Variants in SH3RF3 observed in about 807,000 individuals in gnomAD.
The protein encoded by SH3RF3 is E3 ubiquitin-protein ligase SH3RF3.
Under a neutral mutation model 66.3 loss-of-function variants are expected in SH3RF3, and 29 were observed. The observed-to-expected ratio is 0.44, with a 90% confidence interval of 0.33 to 0.60. The LOEUF (loss-of-function observed/expected upper bound fraction) is 0.60, where lower values mean the gene tolerates loss of function less well. Among genes scored for constraint, SH3RF3 ranks in the 20% least tolerant of loss-of-function variants. The pLI is 0.04. For missense variants in SH3RF3, 1,194 were observed against 1,190.9 expected, an observed-to-expected ratio of 1.00 and a Z score of -0.04; for synonymous variants, 583 against 532.0, an observed-to-expected ratio of 1.10 and a Z score of -1.32.
chr2:109,347,806 C>T lies in SH3RF3; in HGVS notation c.706C>T (p.Leu236=), dbSNP rs756593736. The T allele has an allele frequency of 1.5e-5, 25 of 1,613,880 alleles. No individual in the cohort carries two copies. The South Asian group carries it at 2.6e-4, about 17-fold the overall frequency. Residue 236 remains leucine (L), a synonymous_variant, in exon 2 of 10, where the codon CTG becomes TTG. Coordinates refer to ENST00000309415, the MANE Select transcript of SH3RF3 (RefSeq NM_001099289.3). The part of the protein sequence containing the change: ...KVDEQWYHGE[L]HGTQGFLPAS... ...GGATGAACAGTGGTACCACGGCGAGCTGCACGGCACACAGGGCTTCCTCCC... is the reference window on the plus strand; with the variant it reads ...GGATGAACAGTGGTACCACGGCGAGTTGCACGGCACACAGGGCTTCCTCCC...
chr2:109,266,233 C>T (rs1680489593), intron 1 of SH3RF3, among the ~76,000 whole-genome samples: 1 of 146,100 alleles, frequency 6.8e-6, no homozygotes, highest in African/African-American at 2.6e-5. Flanking sequence ...TATGTGTATT[C>T]AGTGTGTTGT....
chr2:109,291,196 T>C (rs1172037483), intron 1 of SH3RF3, among the ~76,000 whole-genome samples: 1 of 152,142 alleles, frequency 6.6e-6, no homozygotes, highest in Non-Finnish European at 1.5e-5. Context: ...CATGATTCCT[T>C]TGAAAATGCT....
At chr2:109,393,808 A>T (rs140518000) in intron 3 of SH3RF3, among the ~76,000 whole-genome samples, 1,573 of 151,856 alleles carry the variant, frequency 0.01, 16 homozygotes, top group Non-Finnish European at 0.014. Context: ...GGCACCTCCC[A>T]CACCACTGCT....
At chr2:109,156,222 G>A (rs1677341902) in intron 1 of SH3RF3, among the ~76,000 whole-genome samples, 1 of 152,230 alleles carries the variant, frequency 6.6e-6, no homozygotes, top group Non-Finnish European at 1.5e-5. Flanking sequence ...GTTGTGGGTT[G>A]AGGGGGCTGG....
chr2:109,301,353 T>TG (rs1491114545), intron 1 of SH3RF3, among the ~76,000 whole-genome samples: 22 of 72,872 alleles, frequency 3.0e-4, no homozygotes, highest in Non-Finnish European at 1.2e-4. Flanking sequence ...TGTGTGTGTG[T>TG]TTGTGTATGT....
At chr2:109,233,123 T>G (rs1013368945) in intron 1 of SH3RF3, among the ~76,000 whole-genome samples, 3 of 152,184 alleles carry the variant, frequency 2.0e-5, no homozygotes, top group Non-Finnish European at 4.4e-5. Context: ...TAATGCTCCT[T>G]TAGCAGTTGC....
At chr2:109,281,282 G>T (rs1005271198) in intron 1 of SH3RF3, among the ~76,000 whole-genome samples, 1 of 152,216 alleles carries the variant, frequency 6.6e-6, no homozygotes, top group African/African-American at 2.4e-5. Flanking sequence ...GGTTTTGTTG[G>T]GGTGGAGCAC....
At chr2:109,213,224 G>A (rs780935742) in intron 1 of SH3RF3, among the ~76,000 whole-genome samples, 1 of 152,094 alleles carries the variant, frequency 6.6e-6, no homozygotes, top group African/African-American at 2.4e-5. Context: ...GTGGTCCCAG[G>A]GCTGCTTCTG....
intron 1 of SH3RF3, among the ~76,000 whole-genome samples, chr2:109,297,839 C>T (rs892858228): frequency 2.0e-5 from 3 of 152,154 alleles, no homozygotes; most frequent in Non-Finnish European, 4.4e-5. Context: ...GACAGTGCCC[C>T]CGACCTGGGC....
At position 109,130,052 on chromosome 2, in the gene SH3RF3, C is replaced by T; in HGVS notation, c.512C>T (p.Ala171Val). ...PGSPVFLSAAAGSTAGSLREL... is the reference protein window; with the variant it reads ...PGSPVFLSAAVGSTAGSLREL... The stretch of plus-strand genomic sequence containing the variant: ...TCCCCGGTTTTCCTCTCCGCGGCCG[C>T]GGGCAGCACCGCCGGCAGTCTGCGG... Residue 171 changes from alanine (A) to valine (V), a missense_variant, in exon 1 of 10, where the codon GCG becomes GTG. By Grantham distance (64) the Ala-to-Val change is moderately conservative. Coordinates refer to ENST00000309415, the MANE Select transcript of SH3RF3 (RefSeq NM_001099289.3). 7.3e-7 allele frequency: 1 copy of T among 1,363,024 alleles called. No homozygotes were observed. The allele number at this position is 1,363,024 out of a possible 1,614,324, so 84.4% of individuals were successfully genotyped here.
chr2:109,195,597 T>A (rs1246029723), intron 1 of SH3RF3, among the ~76,000 whole-genome samples: 1 of 152,244 alleles, frequency 6.6e-6, no homozygotes, highest in African/African-American at 2.4e-5. Context: ...GCTGGAGCTA[T>A]TTTTGCATCG....
At chr2:109,296,037 G>A (rs1280790712) in intron 1 of SH3RF3, among the ~76,000 whole-genome samples, 1 of 152,094 alleles carries the variant, frequency 6.6e-6, no homozygotes, top group Non-Finnish European at 1.5e-5. Context: ...TGAAGGTGCT[G>A]TAATGAAGTT....
At chr2:109,281,911 T>C (rs1446832074) in intron 1 of SH3RF3, among the ~76,000 whole-genome samples, 1 of 151,978 alleles carries the variant, frequency 6.6e-6, no homozygotes, top group Admixed American at 6.5e-5. Context: ...GAGATGGCCA[T>C]GTGGCAGGAG....
intron 3 of SH3RF3, among the ~76,000 whole-genome samples, chr2:109,373,095 C>G (rs1683308983): frequency 6.6e-6 from 1 of 152,202 alleles, no homozygotes; most frequent in Non-Finnish European, 1.5e-5. Flanking sequence ...CCATCTGAGG[C>G]CCTCCCACAG....
intron 1 of SH3RF3, among the ~76,000 whole-genome samples, chr2:109,244,853 C>T (rs1679875635): frequency 6.6e-6 from 1 of 152,172 alleles, no homozygotes; most frequent in Non-Finnish European, 1.5e-5. Context: ...CACACCTTTC[C>T]CACTGCAGCC....
At position 109,302,162 on chromosome 2, in the gene SH3RF3, G is replaced by A. The variant is rs867613651; in HGVS notation, c.574-45512G>A. Among the ~76,000 whole-genome samples the A allele has an allele frequency of 3.3e-5, 5 of 152,208 alleles. No individual in the cohort carries two copies. The South Asian group carries it at 1.0e-3, about 32-fold the overall frequency. The stretch of plus-strand genomic sequence containing the variant: ...AGACTGCTCTGTTGAACACGGATCT[G>A]CAAAGCTGGCGTTGGTACTCCTACA... On this transcript the variant is annotated intron_variant, in intron 1 of 9. Coordinates refer to ENST00000309415, the MANE Select transcript of SH3RF3 (RefSeq NM_001099289.3).
At chr2:109,349,549 T>C (rs576771954) in intron 2 of SH3RF3, among the ~76,000 whole-genome samples, 1 of 152,244 alleles carries the variant, frequency 6.6e-6, no homozygotes, top group East Asian at 1.9e-4. Flanking sequence ...AGGTGGTCAC[T>C]CATGACCAAG....
chr2:109,344,441 G>A (rs1351357935), intron 1 of SH3RF3, among the ~76,000 whole-genome samples: 2 of 152,230 alleles, frequency 1.3e-5, no homozygotes, highest in Non-Finnish European at 2.9e-5. Context: ...TGAGGATGCT[G>A]TCTGCCGTGG....
intron 1 of SH3RF3, among the ~76,000 whole-genome samples, chr2:109,229,246 C>T (rs1679443011): frequency 2.0e-5 from 3 of 152,160 alleles, no homozygotes; most frequent in African/African-American, 7.2e-5. Flanking sequence ...TAGTACACTT[C>T]TTATTTGGAG....
Sources: allele counts gnomAD v4.1 joint callset (sites outside exome capture counted in the v4.1 genomes callset), GRCh38; gene constraint gnomAD v4.1.1; transcripts MANE v1.5; gene names NCBI Gene and HGNC (gene_info 2026-07-23, HGNC 2026-07-21).